Variants in SERHL2 observed in about 807,000 individuals in gnomAD.
The protein encoded by SERHL2 is serine hydrolase-like protein 2.
Under a neutral mutation model 25.5 loss-of-function variants are expected in SERHL2, and 29 were observed. The ratio of observed to expected loss-of-function variants is 1.14; its 90% CI spans 0.85 to 1.55. The LOEUF is 1.55. Ranked by LOEUF, SERHL2 falls within the 40% of genes most tolerant of loss-of-function variation. The pLI, the probability that SERHL2 is intolerant of heterozygous loss-of-function variation, is 0.00. For synonymous variants in SERHL2, 95 were observed against 103.5 expected, an observed-to-expected ratio of 0.92 and a Z score of 0.50; for missense variants, 240 against 252.3, an observed-to-expected ratio of 0.95 and a Z score of 0.33.
At chr22:42,570,358 C>T (rs1466661060) in intron 9 of SERHL2, among the ~76,000 whole-genome samples, 2 of 151,918 alleles carry the variant, frequency 1.3e-5, no homozygotes, top group South Asian at 4.1e-4. Context: ...CGGGAGGTTG[C>T]GGTAAACTGA....
At chr22:42,573,746 G>T in intron 11 of SERHL2, 190 bp from the exon 12 acceptor site, 1 of 683,392 alleles carries the variant, frequency 1.5e-6, no homozygotes, top group South Asian at 1.8e-5. Flanking sequence ...AGTCCCTAGG[G>T]TTAGACACCT....
rs1922514298 is a variant in SERHL2 at position 42,560,208 on chromosome 22, T to A, written c.556T>A (p.Leu186Met). Residue 186 changes from leucine (L) to methionine (M), a missense_variant, in exon 8 of 12, where the codon TTG becomes ATG. This residue lies in a region of SERHL2 where 212 missense variants were observed against 168.9 expected (regional missense o/e 1.25). Coordinates refer to ENST00000327678, the MANE Select transcript of SERHL2 (RefSeq NM_014509.5). ...CAGGTTACTGAAGAGCAATAGCCACTTGAGTGAGGAGTGCGGGGAGCTTCT... is the reference window on the plus strand; with the variant it reads ...CAGGTTACTGAAGAGCAATAGCCACATGAGTGAGGAGTGCGGGGAGCTTCT... ...LQRLLKSNSH[L>M]SEECGELLLQ... 1.2e-6 allele frequency: 2 copies of A among 1,612,738 alleles called. No homozygotes were observed. Among genetic ancestry groups the A allele is most frequent in the Non-Finnish European group, 1.7e-6 (2 of 1,179,160 alleles).
chr22:42,560,497 T>C (rs1024437026), intron 8 of SERHL2, among the ~76,000 whole-genome samples: 1 of 151,794 alleles, frequency 6.6e-6, no homozygotes, highest in African/African-American at 2.4e-5. Flanking sequence ...AAAGCCACGC[T>C]CTGGGAGAGT....
At chr22:42,560,444 C>T (rs1030710672) in intron 8 of SERHL2, among the ~76,000 whole-genome samples, 179 bp downstream of exon 8, 1 of 151,978 alleles carries the variant, frequency 6.6e-6, no homozygotes, top group Non-Finnish European at 1.5e-5. Context: ...CTCAGCATTG[C>T]CAAGCAACCC....
At chr22:42,566,257 C>G (rs1923363067) in intron 8 of SERHL2, 47 bp from the exon 9 acceptor site, 1 of 1,594,568 alleles carries the variant, frequency 6.3e-7, no homozygotes, top group Non-Finnish European at 8.6e-7. Context: ...GTCCCCTGAC[C>G]CTGATGGACA....
intron 9 of SERHL2, chr22:42,569,228 T>G: frequency 6.6e-6 from 1 of 151,692 alleles, no homozygotes; most frequent in East Asian, 1.9e-4. Flanking sequence ...TTTAGCAGTA[T>G]ATGTGCTGCT....
Position 42,566,328 on chromosome 22 carries a change from G to T in SERHL2, c.638G>T (p.Arg213Met). 6.2e-7 allele frequency: 1 copy of T among 1,612,028 alleles called. No individual in the cohort carries two copies. Residue 213 changes from arginine (R) to methionine (M), a missense_variant, in exon 9 of 12, where the codon AGG becomes ATG. By Grantham distance (91) the Arg-to-Met change is moderately conservative (BLOSUM62 -1). Around this residue, in one of 4 missense-constraint regions of SERHL2, gnomAD observed 212 missense variants for 168.9 expected, o/e 1.25. Coordinates refer to ENST00000327678, the MANE Select transcript of SERHL2 (RefSeq NM_014509.5). ...ATGLVLNRDQ[R>M]LAWAENSIDF... ...GGTCTGGTTCTGAACAGAGACCAGA[G>T]GCTCGCCTGGGTGAGTACCACTGCC...
At chr22:42,566,237 G>T (rs2074916667) in intron 8 of SERHL2, 67 bp from the exon 9 acceptor site, 2 of 1,536,348 alleles carry the variant, frequency 1.3e-6, no homozygotes, top group Non-Finnish European at 1.8e-6. Context: ...TTCCAGCAAA[G>T]TCACGGAGCG....
chr22:42,562,500 C>A (rs915449373), intron 8 of SERHL2, among the ~76,000 whole-genome samples: 10 of 151,696 alleles, frequency 6.6e-5, no homozygotes, highest in Non-Finnish European at 1.5e-4. Context: ...GTGAGGTTCT[C>A]TGGGTGGGTT....
intron 11 of SERHL2, 137 bp downstream of exon 11, chr22:42,572,666 C>T: frequency 7.0e-7 from 1 of 1,428,618 alleles, no homozygotes; most frequent in Non-Finnish European, 9.2e-7. Flanking sequence ...ATCTATCAGG[C>T]CTCATGCTCC....
Position 42,571,199 on chromosome 22 carries a change from A to G in SERHL2, c.727A>G (p.Ile243Val). 6.2e-7 allele frequency: 1 copy of G among 1,613,262 alleles called. No individual in the cohort carries two copies. Among genetic ancestry groups the G allele is most frequent in the Non-Finnish European group, 8.5e-7 (1 of 1,179,532 alleles). The change falls in exon 10 of 12, where the codon ATC becomes GTC. Residue 243 changes from isoleucine (I) to valine (V), a missense_variant. Physicochemically the swap from Ile to Val is conservative, Grantham distance 29 (BLOSUM62 3). Coordinates refer to ENST00000327678, the MANE Select transcript of SERHL2 (RefSeq NM_014509.5). ...GAAGCTGCAGGCCCATGTCCTGTTG[A>G]TCAAGTAAGTCTGGACCCATCCCCT... ...IRKLQAHVLL[I>V]KAVHGYFDSR...
At chr22:42,562,715 G>C (rs1202320174) in intron 8 of SERHL2, among the ~76,000 whole-genome samples, 5 of 152,010 alleles carry the variant, frequency 3.3e-5, no homozygotes. Flanking sequence ...TGGCAGGACA[G>C]GCCTGGAGGT....
At chr22:42,566,461 G>A (rs1030023916) in intron 9 of SERHL2, 123 bp downstream of exon 9, 23 of 934,540 alleles carry the variant, frequency 2.5e-5, no homozygotes, top group African/African-American at 2.3e-4. Context: ...AGGAGGCTGA[G>A]GCAGGACAAT....
At chr22:42,571,801 G>C (rs541855325) in intron 10 of SERHL2, 1 of 155,554 alleles carries the variant, frequency 6.4e-6, no homozygotes, top group African/African-American at 2.4e-5. Context: ...TTAAAACATC[G>C]CGCTAAGTGG....
chr22:42,560,682 C>T (rs892107141), intron 8 of SERHL2, among the ~76,000 whole-genome samples: 23 of 151,988 alleles, frequency 1.5e-4, no homozygotes, highest in Non-Finnish European at 3.4e-4. Context: ...TTCAGAGCAG[C>T]TTCTGGCACA....
intron 9 of SERHL2, chr22:42,569,648 C>G (rs997105490): frequency 6.6e-6 from 1 of 151,890 alleles, no homozygotes; most frequent in African/African-American, 2.4e-5. Context: ...GCCCAAAAAG[C>G]TTGGTCACAC....
At chr22:42,565,840 A>G (rs1435002569) in intron 8 of SERHL2, among the ~76,000 whole-genome samples, 1 of 151,546 alleles carries the variant, frequency 6.6e-6, no homozygotes, top group African/African-American at 2.4e-5. Flanking sequence ...TCATATATGT[A>G]TGGTTTTTTA....
intron 9 of SERHL2, among the ~76,000 whole-genome samples, chr22:42,570,894 C>T (rs571558621): frequency 2.6e-4 from 39 of 152,022 alleles, no homozygotes; most frequent in African/African-American, 8.4e-4. Context: ...TGGGTAGCCA[C>T]GAGCCCAGGA....
intron 9 of SERHL2, among the ~76,000 whole-genome samples, chr22:42,568,137 C>T (rs1569281372): frequency 6.6e-6 from 1 of 151,864 alleles, no homozygotes; most frequent in Non-Finnish European, 1.5e-5. Flanking sequence ...GATCTTCCCA[C>T]CTCAGCCTCC....
Sources: gnomAD v4.1 joint callset for allele counts (sites outside exome capture counted in the v4.1 genomes callset) on GRCh38, gnomAD v4.1.1 for gene constraint, gnomAD v4.1.1 regional missense constraint, MANE v1.5 for transcripts, NCBI Gene and HGNC (gene_info 2026-07-23, HGNC 2026-07-21) for gene names.